Variants in WASHC5 observed in about 807,000 individuals in gnomAD.
The protein encoded by WASHC5 is WASH complex subunit 5, also known as WASH complex subunit strumpellin.
In WASHC5, 101 loss-of-function variants were observed where a neutral mutation model predicts 150.4. The ratio of observed to expected loss-of-function variants is 0.67; its 90% confidence interval spans 0.57 to 0.79. The LOEUF is 0.79. WASHC5 is among the 30% of genes least tolerant of loss of function. The pLI, the probability that WASHC5 is intolerant of heterozygous loss-of-function variation, is 0.00. For synonymous variants in WASHC5, 467 were observed against 491.2 expected, an observed-to-expected ratio of 0.95 and a Z score of 0.65; for missense variants, 1,195 against 1,396.3, an observed-to-expected ratio of 0.86 and a Z score of 2.30.
chr8:125,064,580 A>C (rs1816694783), intron 10 of WASHC5, among the ~76,000 whole-genome samples: 1 of 151,742 alleles, frequency 6.6e-6, no homozygotes, highest in Non-Finnish European at 1.5e-5. Context: ...TCTTGGGCAG[A>C]GAAGAAACGG....
At chr8:125,028,490 G>A in intron 28 of WASHC5, 130 bp downstream of exon 28, 3 of 674,014 alleles carry the variant, frequency 4.5e-6, no homozygotes, top group Non-Finnish European at 8.1e-6. Flanking sequence ...TGGGGGTAGA[G>A]CAGTGGCGAG....
At position 125,032,497 on chromosome 8, in the gene WASHC5, C is replaced by T. The variant is rs139645195; in HGVS notation, c.3182-103G>A. 1.6e-5 allele frequency: 20 copies of T among 1,270,768 alleles called. No homozygotes were observed. In the East Asian group the frequency reaches 1.6e-4, roughly 10 times the overall value. The allele number at this position is 1,270,768 out of a possible 1,614,324, so 78.7% of individuals were successfully genotyped here. The stretch of plus-strand genomic sequence containing the variant: ...TCAAAATGTTTGGGGCCCATATTCT[C>T]GCTGGCAGATGATATTTTGGAGGGA... On this transcript the variant is annotated intron_variant, in intron 26 of 28. Coordinates refer to ENST00000318410, the MANE Select transcript of WASHC5 (RefSeq NM_014846.4).
chr8:125,067,943 T>C (rs554492014), intron 9 of WASHC5, among the ~76,000 whole-genome samples: 13 of 152,368 alleles, frequency 8.5e-5, no homozygotes, highest in South Asian at 2.1e-4. Flanking sequence ...TGAAAGATTG[T>C]TGAATGACAA....
intron 27 of WASHC5, among the ~76,000 whole-genome samples, chr8:125,031,877 G>A (rs1815549040): frequency 6.6e-6 from 1 of 152,178 alleles, no homozygotes; most frequent in South Asian, 2.1e-4. Flanking sequence ...GAAGTGAGTG[G>A]AATCATCTCT....
intron 9 of WASHC5, among the ~76,000 whole-genome samples, chr8:125,072,467 A>G (rs1294075774): frequency 2.0e-5 from 3 of 150,886 alleles, no homozygotes; most frequent in African/African-American, 7.3e-5. Flanking sequence ...GCAACCTCCC[A>G]GGCTCAAGTG....
At chr8:125,057,510 A>G in intron 15 of WASHC5, 46 bp downstream of exon 15, 1 of 1,220,388 alleles carries the variant, frequency 8.2e-7, no homozygotes, top group South Asian at 1.2e-5. Flanking sequence ...TATTTAAAAC[A>G]GCAGTTATCT....
Position 125,061,290 on chromosome 8 carries a change from C to T in WASHC5, c.1409-96G>A, listed in dbSNP as rs971007179. 107 of 753,104 alleles carry T rather than the reference C, an allele frequency of 1.4e-4. No individual in the cohort carries two copies. The African/African-American group carries it at 1.7e-3, about 12-fold the overall frequency. 46.7% of individuals were successfully genotyped at this position (753,104 alleles called of 1,614,324 possible). ...ATAATCTTTTATAAATTCAGTTCTT[C>T]AGAGCTTTAACCGTGGGCCTAACAC... On this transcript the variant is annotated intron_variant, in intron 11 of 28. Transcript: ENST00000318410.
In WASHC5 at chr8:125,056,562, A is replaced by G. The variant is rs182489220; in HGVS notation, c.2016+115T>C. ...GCGTTTACCATTGCAAATGTGAGAC[A>G]ACAAGTCAGAATTGGTCTGGTGGTC... On this transcript the variant is annotated intron_variant, in intron 16 of 28. Transcript: ENST00000318410. The G allele has an allele frequency of 9.2e-6, 11 of 1,199,684 alleles. No individual in the cohort carries two copies. In the African/African-American group the frequency reaches 1.6e-4, roughly 18 times the overall value. 74.3% of individuals were successfully genotyped at this position (1,199,684 alleles called of 1,614,324 possible).
intron 25 of WASHC5, among the ~76,000 whole-genome samples, chr8:125,038,435 G>A (rs911052882): frequency 6.6e-6 from 1 of 152,154 alleles, no homozygotes; most frequent in South Asian, 2.1e-4. Context: ...CACAACTGCA[G>A]GGAAGAGTTT....
chr8:125,060,595 G>T (rs961044717), intron 12 of WASHC5, among the ~76,000 whole-genome samples: 4 of 151,342 alleles, frequency 2.6e-5, no homozygotes, highest in African/African-American at 9.7e-5. Flanking sequence ...TAATTTTTTT[G>T]GTACAATCAT....
At chr8:125,089,299 G>T (rs1165158877) in intron 1 of WASHC5, among the ~76,000 whole-genome samples, 4 of 152,126 alleles carry the variant, frequency 2.6e-5, no homozygotes, top group Non-Finnish European at 4.4e-5. Flanking sequence ...CTTTACACCA[G>T]GAGTGTCCAA....
chr8:125,071,928 T>C (rs1051093729), intron 9 of WASHC5, among the ~76,000 whole-genome samples: 4 of 152,204 alleles, frequency 2.6e-5, no homozygotes, highest in Admixed American at 1.3e-4. Flanking sequence ...AGGCTGCCTG[T>C]ATTCCTTGGC....
chr8:125,072,781 G>A (rs78920672), intron 9 of WASHC5, among the ~76,000 whole-genome samples: 11,269 of 152,106 alleles, frequency 0.074, 541 homozygotes, highest in South Asian at 0.25. Context: ...TATATCTACC[G>A]GTTCAGGGAC....
chr8:125,084,917 G>A (rs924800170), intron 1 of WASHC5, among the ~76,000 whole-genome samples: 6 of 152,114 alleles, frequency 3.9e-5, no homozygotes, highest in Non-Finnish European at 5.9e-5. Context: ...GAATCTCCCC[G>A]GATGATTCTG....
Position 125,024,534 on chromosome 8 carries a change from G to C in WASHC5, c.*83C>G. 1 of 1,056,226 alleles carries C rather than the reference G, an allele frequency of 9.5e-7. No homozygotes were observed. Among genetic ancestry groups the C allele is most frequent in the Non-Finnish European group, 1.5e-6 (1 of 673,408 alleles). The allele number at this position is 1,056,226 out of a possible 1,614,324, so 65.4% of individuals were successfully genotyped here. A position where few individuals can be genotyped will look rare whatever the true frequency, so the allele number is the denominator to read the frequency against. ...AAAAAATGCAGTTGTATGAGCAACT[G>C]AGTTTCTTTTCATCTTCAAATTCAT... On this transcript the variant is annotated 3_prime_UTR_variant, in exon 29 of 29. Coordinates refer to ENST00000318410, the MANE Select transcript of WASHC5 (RefSeq NM_014846.4).
At chr8:125,043,688 T>C in intron 23 of WASHC5, 137 bp downstream of exon 23, 1 of 684,132 alleles carries the variant, frequency 1.5e-6, no homozygotes, top group Non-Finnish European at 2.6e-6. Context: ...TTTAAAATGA[T>C]AAACTGAAGT....
At position 125,044,679 on chromosome 8, in the gene WASHC5, G is replaced by A. The variant is rs753521571; in HGVS notation, c.2524C>T (p.Gln842Ter). ...TTCATATCATACCAAGTGTTCAGCT[G>A]GTCTATGTGACATGTCATTCTAAAA... ...TDPKMTCHIDQLNTWYDMKTH... is the reference protein window; with the variant it reads ...TDPKMTCHID Residue 842 changes from glutamine (Q) to a stop codon, truncating the protein, a stop_gained, in exon 21 of 29, where the codon CAG (glutamine) becomes TAG (stop). Transcript: ENST00000318410. LOFTEE classifies it high-confidence loss of function. The A allele has an allele frequency of 6.2e-7, 1 of 1,614,032 alleles. No individual in the cohort carries two copies. Among genetic ancestry groups the A allele is most frequent in the Non-Finnish European group, 8.5e-7 (1 of 1,179,946 alleles).
intron 5 of WASHC5, among the ~76,000 whole-genome samples, chr8:125,079,135 T>TATATATATATATATATAC (rs35442808): frequency 9.1e-4 from 107 of 117,462 alleles, no homozygotes; most frequent in African/African-American, 1.3e-3. Flanking sequence ...TATATATATA[T>TATATATATATATATATAC]ATATACATTT....
rs1816777715 is a variant in WASHC5 at position 125,067,504 on chromosome 8, G to C, written c.1278+88C>G. ...AAATCTGTACCTTGAATCAGAGACAGAGCAAGCAATCCTAGTCTTTTTTTT... is the reference window on the plus strand; with the variant it reads ...AAATCTGTACCTTGAATCAGAGACACAGCAAGCAATCCTAGTCTTTTTTTT... On this transcript the variant is annotated intron_variant, in intron 10 of 28. Transcript: ENST00000318410. 2.7e-6 allele frequency: 3 copies of C among 1,126,014 alleles called. No homozygotes were observed. The East Asian group carries it at 7.9e-5, about 30-fold the overall frequency. 69.8% of individuals were successfully genotyped at this position (1,126,014 alleles called of 1,614,324 possible).
Sources: allele counts gnomAD v4.1 joint callset (sites outside exome capture counted in the v4.1 genomes callset), GRCh38; gene constraint gnomAD v4.1.1; transcripts MANE v1.5; gene names NCBI Gene and HGNC (gene_info 2026-07-23, HGNC 2026-07-21).